The following IL19 variants were observed in gnomAD, a reference collection of about 807,000 sequenced individuals.
The protein encoded by IL19 is interleukin-19.
In IL19, 15 loss-of-function variants were observed where a neutral mutation model predicts 19.5. That is an observed-to-expected ratio of 0.77 (90% CI 0.52 to 1.19). The LOEUF is 1.19. IL19 is among the 50% of genes most tolerant of loss of function. The pLI, the probability that IL19 is intolerant of heterozygous loss-of-function variation, is 0.00. For missense variants in IL19, 199 were observed against 213.1 expected, an observed-to-expected ratio of 0.93 and a Z score of 0.41; for synonymous variants, 78 against 78.3, an observed-to-expected ratio of 1.00 and a Z score of 0.02.
In IL19 at chr1:206,815,316, T is replaced by A. The variant is rs544989197; in HGVS notation, c.-3+16310T>A. ...CAGTTAAGTGGTCACAGTACCCAGA[T>A]TCGAGGGCAGGAGATATAGATGTCA... On this transcript the variant is annotated intron_variant, in intron 2 of 6. Transcript: ENST00000659997. Among the ~76,000 whole-genome samples the A allele has an allele frequency of 5.3e-5, 8 of 152,262 alleles. No homozygotes were observed. In the East Asian group the frequency reaches 1.5e-3, roughly 29 times the overall value.
intron 1 of IL19, among the ~76,000 whole-genome samples, chr1:206,779,217 C>T (rs999833282): frequency 2.0e-5 from 3 of 152,202 alleles, no homozygotes; most frequent in African/African-American, 7.2e-5. Flanking sequence ...AGAGCATATT[C>T]TATATGTGTC....
At chr1:206,788,618 G>A (rs779267202) in intron 1 of IL19, among the ~76,000 whole-genome samples, 18 of 151,914 alleles carry the variant, frequency 1.2e-4, no homozygotes, top group Admixed American at 7.9e-4. Flanking sequence ...ATTTTAGTGC[G>A]CCTCATCCAG....
chr1:206,785,934 C>T (rs936273063), intron 1 of IL19, among the ~76,000 whole-genome samples: 9 of 151,356 alleles, frequency 5.9e-5, no homozygotes, highest in African/African-American at 1.9e-4. Flanking sequence ...CTACCTGCAC[C>T]GAAGTGTATA....
rs1558623821 is a variant in IL19 at position 206,838,747 on chromosome 1, TTC to T, written c.211-1102_211-1101del. 6.7e-3 allele frequency among the ~76,000 whole-genome samples: 84 copies of T among 12,472 alleles called. 2 individuals carry two copies. The highest frequency in any genetic ancestry group is 0.046 in the South Asian group (26 of 566). 8.2% of individuals were successfully genotyped at this position (12,472 alleles called of 152,430 possible). ...GTTCCTTCCCTTCCTTTCCCTTCCC[TTC>T]CCTTCCCTTCCCTTCCCTTCCCTTC... On this transcript the variant is annotated intron_variant, in intron 4 of 6. Coordinates refer to ENST00000659997, the MANE Select transcript of IL19 (RefSeq NM_153758.5).
At chr1:206,818,878 T>C (rs1282387127) in intron 2 of IL19, among the ~76,000 whole-genome samples, 1 of 150,584 alleles carries the variant, frequency 6.6e-6, no homozygotes, top group Non-Finnish European at 1.5e-5. Flanking sequence ...AGTGGCATGA[T>C]CTTGGCTCAC....
intron 1 of IL19, among the ~76,000 whole-genome samples, chr1:206,795,058 C>G (rs28691614): frequency 0.4 from 60,516 of 152,010 alleles, 13,603 homozygotes; most frequent in East Asian, 0.7. Context: ...TATGCTCTGG[C>G]CCAGGTGTCT....
intron 2 of IL19, among the ~76,000 whole-genome samples, chr1:206,802,669 T>C (rs1248014565): frequency 6.6e-6 from 1 of 152,080 alleles, no homozygotes; most frequent in Admixed American, 6.5e-5. Flanking sequence ...ATTTTCAATT[T>C]TTTTTTTCTT....
chr1:206,814,438 C>A (rs1676095569), intron 2 of IL19, among the ~76,000 whole-genome samples: 1 of 149,576 alleles, frequency 6.7e-6, no homozygotes, highest in Non-Finnish European at 1.5e-5. Flanking sequence ...CACCTGTAAT[C>A]CCAGCACTTT....
chr1:206,777,689 GCC>G (rs1675043886), intron 1 of IL19, among the ~76,000 whole-genome samples: 1 of 152,224 alleles, frequency 6.6e-6, no homozygotes, highest in African/African-American at 2.4e-5. Flanking sequence ...GTGAGACCGT[GCC>G]CATCTTGGGG....
At chr1:206,811,071 G>A (rs886927439) in intron 2 of IL19, among the ~76,000 whole-genome samples, 4 of 152,134 alleles carry the variant, frequency 2.6e-5, no homozygotes, top group African/African-American at 7.2e-5. Flanking sequence ...AAAGTATCCA[G>A]CCTCAGGTAT....
intron 1 of IL19, among the ~76,000 whole-genome samples, chr1:206,791,249 C>T (rs1675395137): frequency 6.6e-6 from 1 of 150,734 alleles, no homozygotes; most frequent in African/African-American, 2.4e-5. Flanking sequence ...CAGGATGGAG[C>T]TGGGCAAATT....
chr1:206,837,098 C>A, intron 4 of IL19, 75 bp downstream of exon 4: 1 of 1,149,148 alleles, frequency 8.7e-7, no homozygotes, highest in Non-Finnish European at 1.3e-6. Context: ...AAAGAAATCC[C>A]TACCTTGTCC....
intron 1 of IL19, among the ~76,000 whole-genome samples, chr1:206,792,101 GA>G (rs753186754): frequency 6.6e-6 from 1 of 152,174 alleles, no homozygotes; most frequent in Non-Finnish European, 1.5e-5. Flanking sequence ...TGTGGCTTCT[GA>G]AGGCTGAGTC....
At chr1:206,799,426 A>G (rs1675620677) in intron 2 of IL19, among the ~76,000 whole-genome samples, 1 of 152,164 alleles carries the variant, frequency 6.6e-6, no homozygotes, top group African/African-American at 2.4e-5. Flanking sequence ...TATCCATGGG[A>G]TGGAAGCTGC....
intron 1 of IL19, among the ~76,000 whole-genome samples, chr1:206,777,956 G>T (rs1558605164): frequency 6.6e-6 from 1 of 152,242 alleles, no homozygotes; most frequent in Non-Finnish European, 1.5e-5. Flanking sequence ...AGTGTGGCCA[G>T]TTTGGGGTGC....
intron 1 of IL19, among the ~76,000 whole-genome samples, chr1:206,797,461 G>GTC (rs1163038419): frequency 6.6e-6 from 1 of 151,956 alleles, no homozygotes; most frequent in African/African-American, 2.4e-5. Context: ...TCTTGCAAAT[G>GTC]TCTCCATTTC....
At position 206,778,075 on chromosome 1, in the gene IL19, G is replaced by A. The variant is rs997907942; in HGVS notation, c.-149+6997G>A. 3.9e-5 allele frequency among the ~76,000 whole-genome samples: 6 copies of A among 152,222 alleles called. No individual in the cohort carries two copies. In the East Asian group the frequency reaches 1.2e-3, roughly 29 times the overall value. On this transcript the variant is annotated intron_variant, in intron 1 of 6. Coordinates refer to ENST00000659997, the MANE Select transcript of IL19 (RefSeq NM_153758.5). Reference sequence around the variant, plus strand: ...AACGCCTGGTGGGCCAGAAGTTTAAGAGGAGCCCGGGCTGGGGCTGGCCCT... The same window carrying A: ...AACGCCTGGTGGGCCAGAAGTTTAAAAGGAGCCCGGGCTGGGGCTGGCCCT...
At chr1:206,821,344 A>C (rs1210976743) in intron 2 of IL19, among the ~76,000 whole-genome samples, 1 of 152,396 alleles carries the variant, frequency 6.6e-6, no homozygotes, top group African/African-American at 2.4e-5. Context: ...GTTCAAGTCC[A>C]TAAAGCATTT....
chr1:206,790,880 C>T (rs1675385359), intron 1 of IL19, among the ~76,000 whole-genome samples: 1 of 152,194 alleles, frequency 6.6e-6, no homozygotes, highest in Non-Finnish European at 1.5e-5. Context: ...AGGCAAGAGC[C>T]TCAATTCCAT....
Sources: gnomAD v4.1 joint callset for allele counts (sites outside exome capture counted in the v4.1 genomes callset) on GRCh38, gnomAD v4.1.1 for gene constraint, MANE v1.5 for transcripts, NCBI Gene and HGNC (gene_info 2026-07-23, HGNC 2026-07-21) for gene names.